MYO3B: variants seen among roughly 807,000 people sequenced by gnomAD.
MYO3B encodes myosin IIIB, also known as myosin-IIIb.
In MYO3B, 156 loss-of-function variants were observed where a neutral mutation model predicts 174.6. The ratio of observed to expected loss-of-function variants is 0.89; its 90% confidence interval spans 0.78 to 1.02. MYO3B has a LOEUF of 1.02. Ranked by LOEUF, MYO3B falls within the 50% of genes least tolerant of loss-of-function variation. The pLI, the probability that MYO3B is intolerant of heterozygous loss-of-function variation, is 0.00. For missense variants in MYO3B, 1,632 were observed against 1,639.4 expected (o/e 1.00, Z 0.08); for synonymous variants, 563 against 569.1 (o/e 0.99, Z 0.15).
chr2:170,335,306 A>G (rs2093939667), intron 7 of MYO3B, 79 bp from the exon 8 acceptor site: 2 of 1,036,670 alleles, frequency 1.9e-6, no homozygotes, highest in Admixed American at 2.1e-5. Context: ...ATTTAGAATG[A>G]TATCAATAAA....
chr2:170,582,060 T>A (rs1243470551), intron 32 of MYO3B, among the ~76,000 whole-genome samples: 1 of 152,230 alleles, frequency 6.6e-6, no homozygotes, highest in Non-Finnish European at 1.5e-5. Context: ...GATTTATAAA[T>A]TACCTTCTAT....
chr2:170,489,634 GGTGTGTGTGTGTGTGT>G (rs369174830), intron 25 of MYO3B, among the ~76,000 whole-genome samples: 1 of 139,320 alleles, frequency 7.2e-6, no homozygotes, highest in Non-Finnish European at 1.5e-5. Flanking sequence ...AACCAGTAGG[GGTGTGTGTGTGTGTGT>G]GTGTGTGTGT....
intron 7 of MYO3B, among the ~76,000 whole-genome samples, chr2:170,303,708 T>C (rs1183295655): frequency 6.6e-6 from 1 of 152,180 alleles, no homozygotes; most frequent in Non-Finnish European, 1.5e-5. Flanking sequence ...CTCCATTACA[T>C]GGAGCTACTG....
At chr2:170,630,324 A>G (rs2105377388) in intron 32 of MYO3B, among the ~76,000 whole-genome samples, 1 of 152,228 alleles carries the variant, frequency 6.6e-6, no homozygotes, top group East Asian at 1.9e-4. Context: ...ATCAAATTGC[A>G]AGGCGGCAAG....
intron 25 of MYO3B, among the ~76,000 whole-genome samples, chr2:170,485,964 G>T (rs1483541096): frequency 6.6e-6 from 1 of 152,116 alleles, no homozygotes; most frequent in Non-Finnish European, 1.5e-5. Flanking sequence ...GCAGATTGGT[G>T]GGCCTCATCC....
chr2:170,398,538 A>G (rs1301927005), intron 16 of MYO3B, among the ~76,000 whole-genome samples: 1 of 152,166 alleles, frequency 6.6e-6, no homozygotes, highest in Non-Finnish European at 1.5e-5. Context: ...CTCTAATCAC[A>G]TGATTGGTTC....
chr2:170,236,019 C>T lies in MYO3B; in HGVS notation c.632C>T (p.Ser211Phe), dbSNP rs753905500. Reference protein sequence around the residue: ...EVIACEQQYDSSYDARCDVWS... With the variant: ...EVIACEQQYDFSYDARCDVWS... ...ATTGCCTGTGAGCAGCAGTATGACT[C>T]TTCCTATGACGCTCGCTGTGACGTC... Residue 211 changes from serine (S) to phenylalanine (F), a missense_variant, in exon 7 of 35, where the codon TCT becomes TTT. Ser to Phe is a radical substitution (Grantham distance 155, BLOSUM62 -2). Coordinates refer to ENST00000408978, the MANE Select transcript of MYO3B (RefSeq NM_138995.5). The T allele has an allele frequency of 4.3e-6, 7 of 1,614,118 alleles. 1 individual carries two copies. The South Asian group carries it at 6.6e-5, about 15-fold the overall frequency.
chr2:170,405,687 G>A, intron 21 of MYO3B, 54 bp downstream of exon 21: 24 of 1,376,178 alleles, frequency 1.7e-5, no homozygotes, highest in Non-Finnish European at 2.5e-5. Context: ...GTAAGTGTCT[G>A]TATTACCCTG....
At chr2:170,235,421 T>A (rs578218272) in intron 6 of MYO3B, among the ~76,000 whole-genome samples, 1 of 152,336 alleles carries the variant, frequency 6.6e-6, no homozygotes, top group African/African-American at 2.4e-5. Flanking sequence ...GTAACTGGAA[T>A]GGCAGTTGTT....
At chr2:170,604,984 TC>T (rs1209011584) in intron 32 of MYO3B, among the ~76,000 whole-genome samples, 1 of 152,272 alleles carries the variant, frequency 6.6e-6, no homozygotes, top group East Asian at 1.9e-4. Context: ...TCTTCTCTTA[TC>T]CCCTTCTTAG....
rs947593811 is a variant in MYO3B, at chr2:170,410,097, A to C, written c.2650+2253A>C. On this transcript the variant is annotated intron_variant, in intron 22 of 34. Transcript: ENST00000408978. ...CCACACTATCCTGGCACTTTGGAAA[A>C]GAATATGCTAATATTTTCAATGCAT... Among the ~76,000 whole-genome samples the C allele has an allele frequency of 2.0e-5, 3 of 152,216 alleles. No individual in the cohort carries two copies. In the South Asian group the frequency reaches 6.2e-4, roughly 32 times the overall value.
intron 7 of MYO3B, among the ~76,000 whole-genome samples, chr2:170,243,163 G>C (rs1274241589): frequency 1.3e-5 from 2 of 152,200 alleles, no homozygotes; most frequent in African/African-American, 2.4e-5. Context: ...CCCAAACTTA[G>C]TTGCTTAAAC....
intron 32 of MYO3B, among the ~76,000 whole-genome samples, chr2:170,584,758 T>C (rs981157973): frequency 5.3e-5 from 8 of 152,362 alleles, no homozygotes; most frequent in African/African-American, 1.7e-4. Context: ...AAAGGCAACT[T>C]AGAATTTCCA....
rs1237235272 is a variant in MYO3B, at chr2:170,400,273, C to T, written c.1877C>T (p.Thr626Ile). 1.2e-6 allele frequency: 2 copies of T among 1,613,996 alleles called. No individual in the cohort carries two copies. The highest frequency in any genetic ancestry group is 2.2e-5 in the East Asian group (1 of 44,874). ...EFAAISSQHQ[T>I]DKSEVPNAEA... is the part of the protein sequence containing the mutation. ...GCAGCTATTTCCTCTCAACATCAGA[C>T]TGATAAAAGTGAGGTGCCCAATGCT... Residue 626 changes from threonine (T) to isoleucine (I), a missense_variant, in exon 17 of 35, where the codon ACT (threonine) becomes ATT (isoleucine). Coordinates refer to ENST00000408978, the MANE Select transcript of MYO3B (RefSeq NM_138995.5).
intron 7 of MYO3B, among the ~76,000 whole-genome samples, chr2:170,256,795 A>G (rs1266591747): frequency 6.6e-6 from 1 of 152,166 alleles, no homozygotes; most frequent in Non-Finnish European, 1.5e-5. Context: ...TGCCCCACTT[A>G]AAAGGCACAG....
chr2:170,499,991 A>G (rs1344554256), intron 27 of MYO3B, among the ~76,000 whole-genome samples, 183 bp downstream of exon 27: 1 of 147,032 alleles, frequency 6.8e-6, no homozygotes, highest in Non-Finnish European at 1.5e-5. Context: ...TCCTTTAGCA[A>G]ATGTGTATCA....
intron 28 of MYO3B, among the ~76,000 whole-genome samples, chr2:170,510,561 A>C (rs993605680): frequency 6.6e-6 from 1 of 152,178 alleles, no homozygotes; most frequent in African/African-American, 2.4e-5. Context: ...TCAGAATGTG[A>C]CTTTAGTTGG....
rs780712482 is a variant in MYO3B, at chr2:170,288,232, AG to A, written c.750-47151del. ...TCTTTTGTGGTTTCACATAAATTTT[AG>A]GTTTTTTTTTTTTCTATTTCTGTGA... On this transcript the variant is annotated intron_variant, in intron 7 of 34. Coordinates refer to ENST00000408978, the MANE Select transcript of MYO3B (RefSeq NM_138995.5). 8.8e-3 allele frequency among the ~76,000 whole-genome samples: 660 copies of A among 75,036 alleles called. 7 individuals are homozygous for A. The highest frequency in any genetic ancestry group is 0.018 in the African/African-American group (606 of 33,528). 49.2% of individuals were successfully genotyped at this position (75,036 alleles called of 152,430 possible).
intron 7 of MYO3B, among the ~76,000 whole-genome samples, chr2:170,321,137 A>C (rs777376167): frequency 6.6e-6 from 1 of 152,216 alleles, no homozygotes; most frequent in Non-Finnish European, 1.5e-5. Flanking sequence ...ACTCCATGTC[A>C]GAATTAATGG....
Sources: gnomAD v4.1 joint callset for allele counts (sites outside exome capture counted in the v4.1 genomes callset) on GRCh38, gnomAD v4.1.1 for gene constraint, MANE v1.5 for transcripts, NCBI Gene and HGNC (gene_info 2026-07-23, HGNC 2026-07-21) for gene names.